Variants in PRKACB observed in about 807,000 individuals in gnomAD.
PRKACB encodes the protein protein kinase cAMP-activated catalytic subunit beta, also known as cAMP-dependent protein kinase catalytic subunit beta.
PRKACB carries 16 observed loss-of-function variants against 51.4 expected under a neutral mutation model. The ratio of observed to expected loss-of-function variants is 0.31; its 90% CI spans 0.21 to 0.47. The LOEUF (loss-of-function observed/expected upper bound fraction) is 0.47, where lower values mean the gene tolerates loss of function less well. PRKACB is among the 20% of genes least tolerant of loss of function. PRKACB has a pLI of 1.00. For synonymous variants in PRKACB, 147 were observed against 154.4 expected (o/e 0.95, Z 0.35); for missense variants, 309 against 464.5 (o/e 0.67, Z 3.08).
intron 1 of PRKACB, among the ~76,000 whole-genome samples, chr1:84,120,288 A>G (rs1650956278): frequency 6.6e-6 from 1 of 152,140 alleles, no homozygotes; most frequent in South Asian, 2.1e-4. Context: ...ATCATACTAT[A>G]GTTCATTAAT....
chr1:84,080,099 T>C (rs1406419792), intron 1 of PRKACB, among the ~76,000 whole-genome samples: 1 of 152,222 alleles, frequency 6.6e-6, no homozygotes, highest in Non-Finnish European at 1.5e-5. Context: ...TCTATTAACT[T>C]AAAACATGCT....
In PRKACB at chr1:84,196,661, C is replaced by A; in HGVS notation, c.606C>A (p.Phe202Leu). 6.2e-7 allele frequency: 1 copy of A among 1,613,540 alleles called. No individual in the cohort carries two copies. The highest frequency in any genetic ancestry group is 8.5e-7 in the Non-Finnish European group (1 of 1,179,602). ...RFYAAQIVLTFEYLHSLDLIY... is the reference protein window; with the variant it reads ...RFYAAQIVLTLEYLHSLDLIY... The stretch of plus-strand genomic sequence containing the variant: ...ATGCAGCTCAGATAGTGCTAACATT[C>A]GAGTACCTCCATTCACTAGACCTCA... The change falls in exon 6 of 10, where the codon TTC (phenylalanine) becomes TTA (leucine). Residue 202 changes from phenylalanine to leucine, a missense_variant. By Grantham distance (22) the Phe-to-Leu change is conservative. Transcript: ENST00000370685.
chr1:84,177,747 A>G (rs547724784), intron 1 of PRKACB, among the ~76,000 whole-genome samples: 3 of 152,152 alleles, frequency 2.0e-5, no homozygotes, highest in Non-Finnish European at 2.9e-5. Context: ...GTCTTAAAAA[A>G]AGTAATAGAA....
intron 1 of PRKACB, among the ~76,000 whole-genome samples, chr1:84,100,664 G>T (rs1246503545): frequency 6.6e-6 from 1 of 152,058 alleles, no homozygotes; most frequent in Non-Finnish European, 1.5e-5. Flanking sequence ...TAAAAATTAT[G>T]TACTTAAAAC....
At chr1:84,087,193 A>G (rs1428319447) in intron 1 of PRKACB, among the ~76,000 whole-genome samples, 1 of 152,254 alleles carries the variant, frequency 6.6e-6, no homozygotes, top group Non-Finnish European at 1.5e-5. Flanking sequence ...AACAGGAGTA[A>G]GAGCATGGGA....
In PRKACB at chr1:84,117,263, T is replaced by G. The variant is rs527472589; in HGVS notation, c.46+38892T>G. Among the ~76,000 whole-genome samples the G allele has an allele frequency of 1.1e-4, 17 of 152,242 alleles. No individual in the cohort carries two copies. The South Asian group carries it at 3.5e-3, about 32-fold the overall frequency. Reference sequence around the variant, plus strand: ...TTCAGCAGGGATGTTGACCTGTAGTTTTCTTTTTTTGTTCTTTGTCAGGTT... The same window carrying G: ...TTCAGCAGGGATGTTGACCTGTAGTGTTCTTTTTTTGTTCTTTGTCAGGTT... On this transcript the variant is annotated intron_variant, in intron 1 of 8. Transcript: ENST00000370688.
chr1:84,195,844 C>T (rs1430143312), intron 5 of PRKACB, among the ~76,000 whole-genome samples: 7 of 150,788 alleles, frequency 4.6e-5, no homozygotes, highest in East Asian at 2.0e-4. Flanking sequence ...ACCCAGGAGG[C>T]GGAGTTTGCA....
chr1:84,164,167 A>G (rs1656680930), intron 1 of PRKACB: 1 of 841,646 alleles, frequency 1.2e-6, no homozygotes, highest in Non-Finnish European at 1.6e-6. Flanking sequence ...ATATGTATAT[A>G]ATATTATTCT....
At chr1:84,085,134 CAT>C (rs1387089442) in intron 1 of PRKACB, among the ~76,000 whole-genome samples, 1 of 152,110 alleles carries the variant, frequency 6.6e-6, no homozygotes, top group Non-Finnish European at 1.5e-5. Flanking sequence ...AATTTAAAAT[CAT>C]AAAATATTAC....
chr1:84,140,737 AC>A (rs2100586492), upstream of PRKACB, among the ~76,000 whole-genome samples: 1 of 152,044 alleles, frequency 6.6e-6, no homozygotes, highest in African/African-American at 2.4e-5. Context: ...CTATTTTTTC[AC>A]CCCAACTTCT....
At chr1:84,233,394 G>A (rs1375900452) in intron 9 of PRKACB, among the ~76,000 whole-genome samples, 2 of 141,058 alleles carry the variant, frequency 1.4e-5, no homozygotes, top group Non-Finnish European at 3.1e-5. Context: ...TATGTGTCTT[G>A]GAGTTGCTCT....
chr1:84,209,181 C>T (rs565878424), intron 8 of PRKACB, among the ~76,000 whole-genome samples: 1 of 152,298 alleles, frequency 6.6e-6, no homozygotes, highest in East Asian at 1.9e-4. Context: ...TTTCTATGCA[C>T]TTCCTCAATG....
intron 1 of PRKACB, among the ~76,000 whole-genome samples, chr1:84,119,211 C>T (rs12057561): frequency 0.47 from 71,951 of 151,904 alleles, 17,755 homozygotes; most frequent in Non-Finnish European, 0.56. Flanking sequence ...TTCTGAGAAA[C>T]CTTATTTCCA....
At chr1:84,121,676 A>G (rs116822460) in intron 1 of PRKACB, among the ~76,000 whole-genome samples, 38 of 152,248 alleles carry the variant, frequency 2.5e-4, no homozygotes, top group African/African-American at 8.2e-4. Flanking sequence ...GTCCTTGTGA[A>G]CACAATGCTA....
Position 84,089,518 on chromosome 1 carries a change from A to C in PRKACB, c.46+11147A>C, listed in dbSNP as rs185810555. Among the ~76,000 whole-genome samples, 102 of 152,182 alleles carry C rather than the reference A, an allele frequency of 6.7e-4. 1 individual carries two copies. The highest frequency in any genetic ancestry group is 4.1e-4 in the Non-Finnish European group (28 of 67,976). The stretch of plus-strand genomic sequence containing the variant: ...ATTCAACTGTGCCACTGTGTTTCTC[A>C]TCCTTGTTGCTGTCATTTACCAGTC... On this transcript the variant is annotated intron_variant, in intron 1 of 8. Transcript: ENST00000370688.
At chr1:84,144,183 A>G (rs1653720418), upstream of PRKACB, 8 of 1,249,772 alleles carry the variant, frequency 6.4e-6, no homozygotes, top group South Asian at 3.9e-5. Flanking sequence ...GTGTTTTGCT[A>G]AGAAAAGCTC....
At chr1:84,159,061 C>T (rs1655864222) in intron 1 of PRKACB, among the ~76,000 whole-genome samples, 1 of 152,088 alleles carries the variant, frequency 6.6e-6, no homozygotes, top group Non-Finnish European at 1.5e-5. Context: ...TTTGAAATCA[C>T]ATAGTGTAAG....
intron 1 of PRKACB, among the ~76,000 whole-genome samples, chr1:84,103,604 T>C (rs1322521041): frequency 6.6e-6 from 1 of 152,192 alleles, no homozygotes; most frequent in Non-Finnish European, 1.5e-5. Flanking sequence ...TTCCAGCTTC[T>C]CGCAGCTGTT....
rs1290812874 is a variant in PRKACB, at chr1:84,232,243, C to A, written c.1072-2937C>A. Among the ~76,000 whole-genome samples, 1,209 of 151,800 alleles carry A rather than the reference C, an allele frequency of 8.0e-3. 60 individuals are homozygous for A. The highest frequency in any genetic ancestry group is 0.064 in the Admixed American group (982 of 15,246). ...TAGTTGAGCGGTTTTGAGTGAGATT[C>A]TTAATCCTGAGTTCTAGTTTGATTG... On this transcript the variant is annotated intron_variant, in intron 9 of 9. Transcript: ENST00000370685.
Sources: gnomAD v4.1 joint callset for allele counts (sites outside exome capture counted in the v4.1 genomes callset) on GRCh38, gnomAD v4.1.1 for gene constraint, MANE v1.5 for transcripts, NCBI Gene and HGNC (gene_info 2026-07-23, HGNC 2026-07-21) for gene names.